The following TAFA1 variants were observed in gnomAD, a reference collection of about 807,000 sequenced individuals.
TAFA1 encodes the protein chemokine-like protein TAFA-1.
A neutral mutation model predicts 18.5 loss-of-function variants in TAFA1; 4 were observed. The observed-to-expected ratio is 0.22, with a 90% confidence interval of 0.11 to 0.49. TAFA1 has a LOEUF of 0.49. TAFA1 is among the 20% of genes least tolerant of loss of function. The probability of loss-of-function intolerance (pLI) is 0.98; values close to 1 mark genes in which losing one functional copy is unlikely to be tolerated. For missense variants in TAFA1, 147 were observed against 169.0 expected, an observed-to-expected ratio of 0.87 and a Z score of 0.72; for synonymous variants, 56 against 55.2, an observed-to-expected ratio of 1.01 and a Z score of -0.06.
chr3:68,509,350 G>A (rs112544157), intron 3 of TAFA1, among the ~76,000 whole-genome samples: 1 of 152,160 alleles, frequency 6.6e-6, no homozygotes, highest in East Asian at 1.9e-4. Context: ...CAGCTGTGGA[G>A]GTCATTGAAG....
At chr3:68,064,824 C>G (rs914150548) in intron 2 of TAFA1, among the ~76,000 whole-genome samples, 23 of 151,982 alleles carry the variant, frequency 1.5e-4, no homozygotes, top group African/African-American at 5.5e-4. Context: ...ATAAGATCAG[C>G]AAAGATGCAA....
chr3:68,256,796 C>G (rs1346358820), intron 2 of TAFA1, among the ~76,000 whole-genome samples: 1 of 152,016 alleles, frequency 6.6e-6, no homozygotes, highest in African/African-American at 2.4e-5. Flanking sequence ...ATGTGTTTAT[C>G]AAGTGATTGC....
intron 2 of TAFA1, among the ~76,000 whole-genome samples, chr3:68,309,431 C>T (rs1367322960): frequency 1.3e-5 from 2 of 152,094 alleles, no homozygotes; most frequent in Non-Finnish European, 2.9e-5. Context: ...AATACTAACA[C>T]GAACTTTGTA....
At chr3:68,140,994 G>C (rs569125407) in intron 2 of TAFA1, among the ~76,000 whole-genome samples, 1 of 152,268 alleles carries the variant, frequency 6.6e-6, no homozygotes, top group East Asian at 1.9e-4. Flanking sequence ...TACCAAACCT[G>C]AGTTAGAGAA....
At chr3:68,249,628 G>A (rs2067154325) in intron 2 of TAFA1, among the ~76,000 whole-genome samples, 1 of 152,080 alleles carries the variant, frequency 6.6e-6, no homozygotes, top group East Asian at 1.9e-4. Flanking sequence ...TACCAAATCT[G>A]GATTTGAAAG....
intron 2 of TAFA1, among the ~76,000 whole-genome samples, chr3:68,033,756 C>G (rs1043530349): frequency 3.9e-5 from 6 of 152,032 alleles, no homozygotes; most frequent in African/African-American, 1.5e-4. Context: ...ATATGTTTTC[C>G]CCATCAAAAA....
chr3:68,326,460 C>T (rs1489327734), intron 2 of TAFA1, among the ~76,000 whole-genome samples: 1 of 152,110 alleles, frequency 6.6e-6, no homozygotes, highest in East Asian at 1.9e-4. Context: ...TTGGTATTTC[C>T]CATTTAAGAT....
chr3:68,307,782 G>T (rs2068446487), intron 2 of TAFA1, among the ~76,000 whole-genome samples: 1 of 151,934 alleles, frequency 6.6e-6, no homozygotes, highest in Non-Finnish European at 1.5e-5. Flanking sequence ...TGGGTTCCAA[G>T]AACTAGAAAG....
chr3:67,992,512 T>G, the TAFA1 span, among the ~76,000 whole-genome samples: 1 of 152,206 alleles, frequency 6.6e-6, no homozygotes, highest in Non-Finnish European at 1.5e-5. Flanking sequence ...TTTCTTGCCC[T>G]TCACTAAATT....
chr3:68,192,614 T>C (rs1249504689), intron 2 of TAFA1: 1 of 152,074 alleles, frequency 6.6e-6, no homozygotes, highest in African/African-American at 2.4e-5. Flanking sequence ...ATCCTTATTT[T>C]ATATATCAAT....
At chr3:68,482,822 T>A (rs1244251449) in intron 3 of TAFA1, among the ~76,000 whole-genome samples, 1 of 152,160 alleles carries the variant, frequency 6.6e-6, no homozygotes, top group African/African-American at 2.4e-5. Flanking sequence ...AAAATCTGCC[T>A]GAGATTTGAG....
chr3:68,077,004 C>G (rs1362741649), intron 2 of TAFA1, among the ~76,000 whole-genome samples: 1 of 152,112 alleles, frequency 6.6e-6, no homozygotes, highest in African/African-American at 2.4e-5. Flanking sequence ...GCCATTCTCA[C>G]TGGTGTGAGA....
chr3:68,097,586 A>G (rs995977637), intron 2 of TAFA1, among the ~76,000 whole-genome samples: 3 of 152,172 alleles, frequency 2.0e-5, no homozygotes, highest in African/African-American at 2.4e-5. Context: ...TATTCATTCA[A>G]TAAGATATGA....
chr3:68,305,958 T>A (rs901915838), intron 2 of TAFA1, among the ~76,000 whole-genome samples: 4 of 152,194 alleles, frequency 2.6e-5, no homozygotes, highest in African/African-American at 4.8e-5. Flanking sequence ...ATACTTTGTA[T>A]GGTGAGGCAT....
chr3:68,038,704 C>T (rs977511204), intron 2 of TAFA1, among the ~76,000 whole-genome samples: 6 of 151,884 alleles, frequency 4.0e-5, no homozygotes, highest in African/African-American at 1.5e-4. Flanking sequence ...ATGCAGGGGT[C>T]AATACTCGTC....
At chr3:68,268,662 G>C in intron 2 of TAFA1, among the ~76,000 whole-genome samples, 1 of 152,160 alleles carries the variant, frequency 6.6e-6, no homozygotes, top group East Asian at 1.9e-4. Flanking sequence ...GAAGCCCTTT[G>C]GTTTTCTTCC....
chr3:68,349,312 A>G (rs1185872604), intron 2 of TAFA1, among the ~76,000 whole-genome samples: 1 of 151,972 alleles, frequency 6.6e-6, no homozygotes, highest in Non-Finnish European at 1.5e-5. Flanking sequence ...CTAATTGCTA[A>G]AAAATTTGTA....
intron 2 of TAFA1, among the ~76,000 whole-genome samples, chr3:68,343,539 A>G (rs759660741): frequency 1.2e-4 from 18 of 152,302 alleles, no homozygotes; most frequent in Middle Eastern, 3.4e-3. Context: ...CTCAAATTCC[A>G]TGCTGAGGTA....
intron 3 of TAFA1, among the ~76,000 whole-genome samples, chr3:68,473,055 C>T (rs1031003347): frequency 1.3e-5 from 2 of 152,122 alleles, no homozygotes; most frequent in African/African-American, 4.8e-5. Context: ...AGTCAATGAT[C>T]CCAGCTGCTT....
Sources: allele counts gnomAD v4.1 joint callset (sites outside exome capture counted in the v4.1 genomes callset), GRCh38; gene constraint gnomAD v4.1.1; transcripts MANE v1.5; gene names NCBI Gene and HGNC (gene_info 2026-07-23, HGNC 2026-07-21).